The following CLASP2 variants were observed in gnomAD, a reference collection of about 807,000 sequenced individuals.
CLASP2 encodes CLIP-associating protein 2.
Under a neutral mutation model 194.4 loss-of-function variants are expected in CLASP2, and 47 were observed. The ratio of observed to expected loss-of-function variants is 0.24; its 90% CI spans 0.19 to 0.31. CLASP2 has a LOEUF of 0.31. Ranked by LOEUF, CLASP2 falls within the 10% of genes least tolerant of loss-of-function variation. The pLI, the probability that CLASP2 is intolerant of heterozygous loss-of-function variation, is 1.00. For synonymous variants in CLASP2, 619 were observed against 633.5 expected (o/e 0.98, Z 0.34); for missense variants, 1,445 against 1,823.6 (o/e 0.79, Z 3.78).
intron 29 of CLASP2, among the ~76,000 whole-genome samples, chr3:33,555,945 ATATT>A (rs1331210365): frequency 2.0e-5 from 3 of 152,180 alleles, no homozygotes; most frequent in South Asian, 2.1e-4. Flanking sequence ...TTGAACATGT[ATATT>A]TATTAGGATA....
intron 18 of CLASP2, among the ~76,000 whole-genome samples, chr3:33,599,082 TCTG>T (rs1440404121): frequency 6.6e-6 from 1 of 151,424 alleles, no homozygotes; most frequent in African/African-American, 2.4e-5. Flanking sequence ...TCATCATCAC[TCTG>T]CTAAGTAGTT....
At chr3:33,670,309 G>A (rs536606947) in intron 6 of CLASP2, among the ~76,000 whole-genome samples, 1 of 152,280 alleles carries the variant, frequency 6.6e-6, no homozygotes, top group South Asian at 2.1e-4. Flanking sequence ...CTGGGATGTT[G>A]TAATGTTCTA....
At chr3:33,604,077 G>T in intron 17 of CLASP2, 77 bp downstream of exon 17, 1 of 1,049,798 alleles carries the variant, frequency 9.5e-7, no homozygotes. Flanking sequence ...TTTCACTATG[G>T]AGCACATCAA....
chr3:33,496,449 T>A lies in CLASP2; in HGVS notation c.*2182A>T, dbSNP rs56906831. ...GTATTGTATATAGTGATTTAAATAA[T>A]CAGCTTTCTTATAGTCTTATCAACT... On this transcript the variant is annotated 3_prime_UTR_variant, in exon 39 of 39. Coordinates refer to ENST00000682230, the MANE Select transcript of CLASP2 (RefSeq NM_001365631.1). 1 of 152,186 alleles carries A rather than the reference T, an allele frequency of 6.6e-6. No individual in the cohort carries two copies. The highest frequency in any genetic ancestry group is 2.4e-5 in the African/African-American group (1 of 41,448). 9.4% of individuals were successfully genotyped at this position (152,186 alleles called of 1,614,324 possible). A position where few individuals can be genotyped will look rare whatever the true frequency, so the allele number is the denominator to read the frequency against.
chr3:33,716,918 C>T (rs926696191), intron 1 of CLASP2, among the ~76,000 whole-genome samples: 5 of 152,194 alleles, frequency 3.3e-5, no homozygotes, highest in Admixed American at 3.3e-4. Flanking sequence ...AGAAGAATCA[C>T]TTCATCCATG....
At chr3:33,524,012 AAAG>A (rs2053844580) in intron 34 of CLASP2, among the ~76,000 whole-genome samples, 1 of 152,216 alleles carries the variant, frequency 6.6e-6, no homozygotes, top group South Asian at 2.1e-4. Context: ...ACTAAACACA[AAAG>A]AAAGTAATGT....
Position 33,568,553 on chromosome 3 carries a change from C to CAAAAAAAAAAAAAAAAAAAAAAAAAAAA in CLASP2, c.2764-1820_2764-1819insTTTTTTTTTTTTTTTTTTTTTTTTTTTT, listed in dbSNP as rs568821764. Among the ~76,000 whole-genome samples the CAAAAAAAAAAAAAAAAAAAAAAAAAAAA allele has an allele frequency of 9.0e-4, 51 of 56,826 alleles. 1 individual carries two copies. Among genetic ancestry groups the CAAAAAAAAAAAAAAAAAAAAAAAAAAAA allele is most frequent in the African/African-American group, 1.9e-3 (25 of 13,146 alleles). The allele number at this position is 56,826 out of a possible 152,430, so 37.3% of individuals were successfully genotyped here. A position where few individuals can be genotyped will look rare whatever the true frequency, so the allele number is the denominator to read the frequency against. On this transcript the variant is annotated intron_variant, in intron 26 of 38. Transcript: ENST00000682230. Reference sequence around the variant, plus strand: ...TGGGTGACAGAAAGAGATCTTGTCTCAAAAAAAAAAAAAAAAAAAAAATTA... The same window carrying CAAAAAAAAAAAAAAAAAAAAAAAAAAAA: ...TGGGTGACAGAAAGAGATCTTGTCTCAAAAAAAAAAAAAAAAAAAAAAAAAAAAAAAAAAAAAAAAAAAAAAAAAATTA...
chr3:33,684,510 C>A, intron 5 of CLASP2, 54 bp from the exon 6 acceptor site: 1 of 1,214,596 alleles, frequency 8.2e-7, no homozygotes, highest in Admixed American at 2.0e-5. Flanking sequence ...CAATAAAATA[C>A]TTCATCTCAA....
rs143459394 is a variant in CLASP2 at position 33,638,683 on chromosome 3, T to C, written c.862+6074A>G. Among the ~76,000 whole-genome samples, 819 of 152,318 alleles carry C rather than the reference T, an allele frequency of 5.4e-3. 10 individuals are homozygous for C. The highest frequency in any genetic ancestry group is 0.017 in the African/African-American group (713 of 41,568). ...TGATCAGTTGATGAAAAAAATTGTT[T>C]ATATTCACATGTCCTTTATAGAAAC... On this transcript the variant is annotated intron_variant, in intron 8 of 38. Coordinates refer to ENST00000682230, the MANE Select transcript of CLASP2 (RefSeq NM_001365631.1).
intron 24 of CLASP2, among the ~76,000 whole-genome samples, chr3:33,574,032 C>T (rs1367015044): frequency 6.6e-6 from 1 of 152,040 alleles, no homozygotes; most frequent in African/African-American, 2.4e-5. Flanking sequence ...ATTCAGATTC[C>T]TTTGATTTCT....
At chr3:33,590,975 G>A (rs1316388130) in intron 21 of CLASP2, among the ~76,000 whole-genome samples, 5 of 152,064 alleles carry the variant, frequency 3.3e-5, no homozygotes, top group Non-Finnish European at 5.9e-5. Flanking sequence ...GAGCCCAGGA[G>A]TTTGAGACCA....
chr3:33,717,003 G>A (rs1048871711), intron 1 of CLASP2, among the ~76,000 whole-genome samples: 1 of 152,146 alleles, frequency 6.6e-6, no homozygotes, highest in Non-Finnish European at 1.5e-5. Context: ...TAACGACTAC[G>A]GGGCAAGTTA....
At chr3:33,596,852 A>G in intron 18 of CLASP2, 118 bp from the exon 19 acceptor site, 2 of 747,314 alleles carry the variant, frequency 2.7e-6, no homozygotes, top group East Asian at 2.8e-5. Flanking sequence ...ACAGACGTAT[A>G]TATCAAGCTT....
chr3:33,598,031 G>A (rs1173621717), intron 18 of CLASP2, among the ~76,000 whole-genome samples: 1 of 152,072 alleles, frequency 6.6e-6, no homozygotes, highest in Non-Finnish European at 1.5e-5. Context: ...AGGATTACAC[G>A]TGTGAGCCAC....
At chr3:33,589,036 G>A (rs1207234411) in intron 21 of CLASP2, among the ~76,000 whole-genome samples, 4 of 151,966 alleles carry the variant, frequency 2.6e-5, no homozygotes, top group East Asian at 3.8e-4. Context: ...ACTGACAGTC[G>A]AAAATCAAAA....
chr3:33,635,797 TC>T (rs1388638055), intron 8 of CLASP2, among the ~76,000 whole-genome samples: 2 of 152,066 alleles, frequency 1.3e-5, no homozygotes, highest in Non-Finnish European at 2.9e-5. Context: ...ATGATAGGCA[TC>T]CAAACTCAAA....
At chr3:33,695,959 AAAG>A (rs2091851420) in intron 2 of CLASP2, among the ~76,000 whole-genome samples, 1 of 152,226 alleles carries the variant, frequency 6.6e-6, no homozygotes, top group Non-Finnish European at 1.5e-5. Context: ...ATAACCATAC[AAAG>A]AAGAGCATTA....
intron 6 of CLASP2, among the ~76,000 whole-genome samples, chr3:33,683,931 C>CAAAAAAAAAAAAAAAAAA (rs35349805): frequency 1.3e-5 from 1 of 78,890 alleles, no homozygotes; most frequent in African/African-American, 5.0e-5. Context: ...GACTCTGTCT[C>CAAAAAAAAAAAAAAAAAA]AAAAAAAAAA....
intron 8 of CLASP2, among the ~76,000 whole-genome samples, chr3:33,644,147 A>G (rs964911486): frequency 6.6e-6 from 1 of 152,136 alleles, no homozygotes; most frequent in Non-Finnish European, 1.5e-5. Flanking sequence ...AAGATAAACA[A>G]TATGCTAGAA....
Sources: allele counts gnomAD v4.1 joint callset (sites outside exome capture counted in the v4.1 genomes callset), GRCh38; gene constraint gnomAD v4.1.1; transcripts MANE v1.5; gene names NCBI Gene and HGNC (gene_info 2026-07-23, HGNC 2026-07-21).